LPAR1: variants seen among roughly 807,000 people sequenced by gnomAD.
The protein encoded by LPAR1 is lysophosphatidic acid receptor 1, also known as LPA receptor 1.
A neutral mutation model predicts 23.8 loss-of-function variants in LPAR1; 5 were observed. That is an observed-to-expected ratio of 0.21 (90% CI 0.11 to 0.44). The LOEUF (loss-of-function observed/expected upper bound fraction) is 0.44, where lower values mean the gene tolerates loss of function less well. Ranked by LOEUF, LPAR1 falls within the 20% of genes least tolerant of loss-of-function variation. LPAR1 has a pLI of 0.99. For missense variants in LPAR1, 311 were observed against 482.8 expected (o/e 0.64, Z 3.33); for synonymous variants, 160 against 164.7 (o/e 0.97, Z 0.22).
At chr9:110,943,599 T>G (rs1199786427) in intron 4 of LPAR1, among the ~76,000 whole-genome samples, 1 of 152,128 alleles carries the variant, frequency 6.6e-6, no homozygotes, top group African/African-American at 2.4e-5. Context: ...GTGGCTCACA[T>G]CTGTAATCCC....
At chr9:111,008,572 A>T (rs566718799) in intron 2 of LPAR1, among the ~76,000 whole-genome samples, 1 of 152,316 alleles carries the variant, frequency 6.6e-6, no homozygotes, top group South Asian at 2.1e-4. Context: ...CTCTGCAAAA[A>T]GCTGGGACAT....
rs145245365 is a variant in LPAR1, at chr9:110,893,260, G to C, written c.794-17538C>G. On this transcript the variant is annotated intron_variant, in intron 5 of 5. Transcript: ENST00000683809. Reference sequence around the variant, plus strand: ...TTCCATTTTAGAAATGTGTCATCCAGATATACTTGAAGAAGCATATAAAAA... The same window carrying C: ...TTCCATTTTAGAAATGTGTCATCCACATATACTTGAAGAAGCATATAAAAA... Among the ~76,000 whole-genome samples, 7 of 152,256 alleles carry C rather than the reference G, an allele frequency of 4.6e-5. No homozygotes were observed. In the East Asian group the frequency reaches 1.4e-3, roughly 29 times the overall value.
At chr9:110,984,134 A>G (rs982366349) in intron 2 of LPAR1, among the ~76,000 whole-genome samples, 4 of 151,700 alleles carry the variant, frequency 2.6e-5, no homozygotes, top group Non-Finnish European at 5.9e-5. Context: ...ATCCAACTAT[A>G]CTCTTTTAAC....
intron 5 of LPAR1, among the ~76,000 whole-genome samples, chr9:110,908,600 G>A (rs2091828284): frequency 6.6e-6 from 1 of 152,174 alleles, no homozygotes; most frequent in Non-Finnish European, 1.5e-5. Flanking sequence ...AGTTAGTGAA[G>A]TTACCTAAGC....
At chr9:110,966,845 A>T (rs1478769718) in intron 4 of LPAR1, among the ~76,000 whole-genome samples, 1 of 152,158 alleles carries the variant, frequency 6.6e-6, no homozygotes. Flanking sequence ...TCACTCTGGT[A>T]CTGAACTATT....
intron 2 of LPAR1, among the ~76,000 whole-genome samples, chr9:110,976,423 T>G (rs1038945526): frequency 6.6e-6 from 1 of 152,022 alleles, no homozygotes; most frequent in Non-Finnish European, 1.5e-5. Flanking sequence ...GAGAGCTGCT[T>G]GAACCTGGGA....
chr9:110,956,405 T>C (rs2095753117), intron 4 of LPAR1, among the ~76,000 whole-genome samples: 1 of 151,704 alleles, frequency 6.6e-6, no homozygotes, highest in Non-Finnish European at 1.5e-5. Flanking sequence ...ATAAAAATAC[T>C]ATGTGTAGTA....
At chr9:110,996,441 T>G (rs1026303637) in intron 2 of LPAR1, among the ~76,000 whole-genome samples, 1 of 152,028 alleles carries the variant, frequency 6.6e-6, no homozygotes, top group Non-Finnish European at 1.5e-5. Context: ...GGAAAGGAAT[T>G]CTGATACAAA....
chr9:110,984,797 T>A (rs1419743590), intron 2 of LPAR1, among the ~76,000 whole-genome samples: 1 of 142,920 alleles, frequency 7.0e-6, no homozygotes. Flanking sequence ...CAGTTTTAAC[T>A]AATAGGAAAA....
intron 2 of LPAR1, among the ~76,000 whole-genome samples, chr9:111,012,453 G>T (rs768925331): frequency 2.1e-5 from 3 of 140,686 alleles, no homozygotes; most frequent in Non-Finnish European, 4.6e-5. Context: ...ACACACACAT[G>T]CATGTACGCA....
At chr9:111,019,683 AAC>A (rs2097525197) in intron 2 of LPAR1, among the ~76,000 whole-genome samples, 2 of 151,836 alleles carry the variant, frequency 1.3e-5, no homozygotes, top group African/African-American at 4.8e-5. Flanking sequence ...TAAAAAAAAA[AAC>A]ATACAAAAAA....
chr9:110,947,122 T>C (rs1292743680), intron 4 of LPAR1, among the ~76,000 whole-genome samples: 1 of 152,194 alleles, frequency 6.6e-6, no homozygotes, highest in Non-Finnish European at 1.5e-5. Flanking sequence ...GTAAAATTTA[T>C]GTAGGTGAGA....
chr9:110,970,558 CT>C (rs911430089), intron 4 of LPAR1, among the ~76,000 whole-genome samples: 1 of 151,068 alleles, frequency 6.6e-6, no homozygotes, highest in African/African-American at 2.4e-5. Flanking sequence ...GAATAAAGGG[CT>C]TTATTCATAT....
chr9:110,916,874 A>G (rs2093168753), intron 5 of LPAR1, among the ~76,000 whole-genome samples: 3 of 151,918 alleles, frequency 2.0e-5, no homozygotes, highest in African/African-American at 7.3e-5. Flanking sequence ...GGAAAACTAT[A>G]TAATTCATTC....
intron 2 of LPAR1, among the ~76,000 whole-genome samples, chr9:110,993,768 T>C (rs1411177293): frequency 6.6e-6 from 1 of 152,200 alleles, no homozygotes; most frequent in Non-Finnish European, 1.5e-5. Flanking sequence ...TCCTTGGAGA[T>C]ATGCCTGTTC....
At chr9:111,007,236 T>C (rs1348508672) in intron 2 of LPAR1, among the ~76,000 whole-genome samples, 3 of 151,872 alleles carry the variant, frequency 2.0e-5, no homozygotes, top group Admixed American at 6.6e-5. Context: ...ATTTCTTTTC[T>C]TTATAAATTA....
chr9:111,036,755 C>T (rs575834937), intron 1 of LPAR1, among the ~76,000 whole-genome samples: 80 of 152,316 alleles, frequency 5.3e-4, no homozygotes, highest in African/African-American at 1.8e-3. Flanking sequence ...CTACCTCCTT[C>T]TCTTGCCACT....
intron 5 of LPAR1, among the ~76,000 whole-genome samples, chr9:110,888,565 GAAAA>G (rs35200514): frequency 1.6e-5 from 2 of 128,352 alleles, no homozygotes; most frequent in African/African-American, 5.3e-5. Flanking sequence ...GAACCCAGCA[GAAAA>G]AAAAAAAAAA....
At chr9:110,952,184 G>A (rs2095590158) in intron 4 of LPAR1, among the ~76,000 whole-genome samples, 1 of 152,168 alleles carries the variant, frequency 6.6e-6, no homozygotes, top group African/African-American at 2.4e-5. Flanking sequence ...GCAGCCTGCT[G>A]TTCTGGGACT....
Sources: allele counts gnomAD v4.1 joint callset (sites outside exome capture counted in the v4.1 genomes callset), GRCh38; gene constraint gnomAD v4.1.1; transcripts MANE v1.5; gene names NCBI Gene and HGNC (gene_info 2026-07-23, HGNC 2026-07-21).